Variants in ADAMTS6 observed in about 807,000 individuals in gnomAD.
The protein encoded by ADAMTS6 is ADAM metallopeptidase with thrombospondin type 1 motif 6.
ADAMTS6 carries 23 observed loss-of-function variants against 144.3 expected under a neutral mutation model. That is an observed-to-expected ratio of 0.16 (90% CI 0.11 to 0.23). ADAMTS6 has a LOEUF of 0.23. ADAMTS6 is among the 10% of genes least tolerant of loss of function. The probability of loss-of-function intolerance (pLI) is 1.00; values close to 1 mark genes in which losing one functional copy is unlikely to be tolerated. For synonymous variants in ADAMTS6, 444 were observed against 457.5 expected, an observed-to-expected ratio of 0.97 and a Z score of 0.38; for missense variants, 999 against 1,379.6, an observed-to-expected ratio of 0.72 and a Z score of 4.37.
chr5:65,480,318 C>G (rs1761114293), intron 1 of ADAMTS6, among the ~76,000 whole-genome samples: 1 of 152,064 alleles, frequency 6.6e-6, no homozygotes, highest in Admixed American at 6.6e-5. Flanking sequence ...TCACCTCCCC[C>G]CGCCCCCACC....
intron 14 of ADAMTS6, among the ~76,000 whole-genome samples, chr5:65,243,733 G>A (rs1759399353): frequency 6.6e-6 from 1 of 152,018 alleles, no homozygotes; most frequent in Non-Finnish European, 1.5e-5. Flanking sequence ...GCTATTTTTA[G>A]TGAATCCCAC....
At chr5:65,260,226 A>T (rs1380359216) in intron 14 of ADAMTS6, among the ~76,000 whole-genome samples, 3 of 152,194 alleles carry the variant, frequency 2.0e-5, no homozygotes, top group Non-Finnish European at 4.4e-5. Flanking sequence ...GGGATAATGT[A>T]GGAGTCTGGG....
intron 7 of ADAMTS6, among the ~76,000 whole-genome samples, chr5:65,365,794 G>A (rs955390848): frequency 5.3e-5 from 8 of 151,896 alleles, no homozygotes; most frequent in African/African-American, 1.5e-4. Flanking sequence ...AAATTAGCTC[G>A]AATACAAACT....
At position 65,365,464 on chromosome 5, in the gene ADAMTS6, G is replaced by A. The variant is rs555183154; in HGVS notation, c.1074-31379C>T. ...AGTTTGAGATCAGCTTGGCCAACAT[G>A]GTGAAACCCCATCTCTACTAAAAAC... On this transcript the variant is annotated intron_variant, in intron 7 of 24. Transcript: ENST00000381055. Among the ~76,000 whole-genome samples the A allele has an allele frequency of 4.6e-5, 7 of 152,160 alleles. No individual in the cohort carries two copies. The South Asian group carries it at 1.5e-3, about 32-fold the overall frequency.
chr5:65,451,059 C>CT lies in ADAMTS6; in HGVS notation c.1073+415dup, dbSNP rs138425547. ...CAGTCTCCGCCTCCCTTTTAATAAA[C>CT]TTTAACACAACTGAAAGGTAAAAAT... On this transcript the variant is annotated intron_variant, in intron 7 of 24. Coordinates refer to ENST00000381055, the MANE Select transcript of ADAMTS6 (RefSeq NM_197941.4). Among the ~76,000 whole-genome samples the CT allele has an allele frequency of 2.5e-3, 382 of 152,188 alleles. 3 individuals carry two copies. Among genetic ancestry groups the CT allele is most frequent in the African/African-American group, 8.9e-3 (370 of 41,542 alleles).
At position 65,461,673 on chromosome 5, in the gene ADAMTS6, G is replaced by C. The variant is rs981677233; in HGVS notation, c.463-1335C>G. On this transcript the variant is annotated intron_variant, in intron 3 of 24. Coordinates refer to ENST00000381055, the MANE Select transcript of ADAMTS6 (RefSeq NM_197941.4). Reference sequence around the variant, plus strand: ...AAACAGCACTCTGGGGAGCCCTAAGGGTTCCATGGAAGTGCCCTCAGGGGA... The same window carrying C: ...AAACAGCACTCTGGGGAGCCCTAAGCGTTCCATGGAAGTGCCCTCAGGGGA... Among the ~76,000 whole-genome samples the C allele has an allele frequency of 8.5e-4, 129 of 152,202 alleles. 2 individuals are homozygous for C. Among genetic ancestry groups the C allele is most frequent in the Admixed American group, 8.4e-3 (129 of 15,270 alleles).
At chr5:65,301,859 C>T (rs886677649) in intron 9 of ADAMTS6, among the ~76,000 whole-genome samples, 20 of 151,698 alleles carry the variant, frequency 1.3e-4, no homozygotes, top group African/African-American at 4.1e-4. Context: ...GAGGCTGGGG[C>T]GGGAGGATCA....
At chr5:65,419,386 A>G (rs1195420015) in intron 7 of ADAMTS6, among the ~76,000 whole-genome samples, 1 of 152,138 alleles carries the variant, frequency 6.6e-6, no homozygotes, top group Non-Finnish European at 1.5e-5. Flanking sequence ...ATAGAAATTG[A>G]GAACTACTAC....
chr5:65,366,169 A>C (rs900360831), intron 7 of ADAMTS6, among the ~76,000 whole-genome samples: 5 of 152,192 alleles, frequency 3.3e-5, no homozygotes, highest in African/African-American at 1.2e-4. Flanking sequence ...TAACCTGATA[A>C]ATGCAACCTC....
At chr5:65,251,602 T>A (rs954662087) in intron 14 of ADAMTS6, 2 of 152,168 alleles carry the variant, frequency 1.3e-5, no homozygotes, top group African/African-American at 4.8e-5. Flanking sequence ...AAAGAAAGGG[T>A]CCTTGTGTAG....
chr5:65,433,718 G>C (rs1446931783), intron 7 of ADAMTS6, among the ~76,000 whole-genome samples: 1 of 152,112 alleles, frequency 6.6e-6, no homozygotes, highest in Admixed American at 6.6e-5. Flanking sequence ...ACTCCTACTA[G>C]AAAGATTATA....
At chr5:65,463,187 A>T (rs969241141) in intron 3 of ADAMTS6, among the ~76,000 whole-genome samples, 4 of 152,192 alleles carry the variant, frequency 2.6e-5, no homozygotes, top group Admixed American at 1.3e-4. Context: ...AATAATTAGA[A>T]GTGAGAGAAT....
chr5:65,178,529 A>G (rs1415393524), intron 22 of ADAMTS6, among the ~76,000 whole-genome samples: 1 of 152,162 alleles, frequency 6.6e-6, no homozygotes, highest in Non-Finnish European at 1.5e-5. Flanking sequence ...AACCCTTTAC[A>G]CCCTATGTGT....
intron 24 of ADAMTS6, among the ~76,000 whole-genome samples, chr5:65,156,707 TATATC>T (rs2111969074): frequency 6.6e-6 from 1 of 152,334 alleles, no homozygotes; most frequent in South Asian, 2.1e-4. Context: ...CAAACACACT[TATATC>T]TATCTACTTA....
At chr5:65,340,460 C>T (rs997672960) in intron 7 of ADAMTS6, among the ~76,000 whole-genome samples, 1 of 151,830 alleles carries the variant, frequency 6.6e-6, no homozygotes. Flanking sequence ...CAAGCAAATA[C>T]ACAAAGAATA....
chr5:65,260,510 T>G, intron 14 of ADAMTS6, 90 bp downstream of exon 14: 1 of 1,018,362 alleles, frequency 9.8e-7, no homozygotes, highest in Admixed American at 2.1e-5. Context: ...ACACATGTAT[T>G]TCTTATCAAA....
chr5:65,157,547 C>G (rs1298510348), intron 24 of ADAMTS6, among the ~76,000 whole-genome samples: 1 of 152,164 alleles, frequency 6.6e-6, no homozygotes, highest in African/African-American at 2.4e-5. Flanking sequence ...AGAATGCATG[C>G]CCTCTGTTTC....
chr5:65,467,008 C>A (rs535303836), intron 3 of ADAMTS6, among the ~76,000 whole-genome samples: 3 of 150,808 alleles, frequency 2.0e-5, no homozygotes, highest in Admixed American at 2.0e-4. Flanking sequence ...CGCCACTGCA[C>A]CCAGCCTGGG....
intron 14 of ADAMTS6, among the ~76,000 whole-genome samples, chr5:65,257,482 T>A (rs528546315): frequency 6.6e-6 from 1 of 152,320 alleles, no homozygotes; most frequent in South Asian, 2.1e-4. Flanking sequence ...TAGCCCTCTT[T>A]GGACTCCACT....
Sources: allele counts gnomAD v4.1 joint callset (sites outside exome capture counted in the v4.1 genomes callset), GRCh38; gene constraint gnomAD v4.1.1; transcripts MANE v1.5; gene names NCBI Gene and HGNC (gene_info 2026-07-23, HGNC 2026-07-21).